Variants in MACROD2 observed in about 807,000 individuals in gnomAD.
MACROD2 encodes the protein ADP-ribose glycohydrolase MACROD2.
In MACROD2, 36 loss-of-function variants were observed where a neutral mutation model predicts 70.4. That is an observed-to-expected ratio of 0.51 (90% CI 0.39 to 0.68). The LOEUF is 0.68. Ranked by LOEUF, MACROD2 falls within the 30% of genes least tolerant of loss-of-function variation. MACROD2 has a pLI of 0.00. For missense variants in MACROD2, 496 were observed against 538.4 expected (o/e 0.92, Z 0.78); for synonymous variants, 172 against 178.8 (o/e 0.96, Z 0.30).
intron 8 of MACROD2, among the ~76,000 whole-genome samples, chr20:15,859,389 A>G (rs1351544563): frequency 1.3e-5 from 2 of 152,114 alleles, no homozygotes; most frequent in African/African-American, 2.4e-5. Flanking sequence ...TGTAGATCCC[A>G]TTTCCCAATG....
chr20:15,322,872 C>T (rs777399333), intron 6 of MACROD2, among the ~76,000 whole-genome samples: 1 of 143,562 alleles, frequency 7.0e-6, no homozygotes, highest in Non-Finnish European at 1.6e-5. Flanking sequence ...ATCCATGAAT[C>T]CATATTTGGA....
intron 5 of MACROD2, among the ~76,000 whole-genome samples, chr20:14,765,437 T>A (rs570606417): frequency 1.3e-4 from 20 of 152,212 alleles, no homozygotes; most frequent in African/African-American, 4.8e-4. Context: ...GACTTTTTGT[T>A]GAAAACGAAG....
chr20:15,488,834 A>T (rs1462279508), intron 7 of MACROD2, among the ~76,000 whole-genome samples: 1 of 152,242 alleles, frequency 6.6e-6, no homozygotes, highest in Non-Finnish European at 1.5e-5. Flanking sequence ...AGGTGATTCT[A>T]TGAGATCTTT....
rs185088185 is a variant in MACROD2 at position 14,417,248 on chromosome 20, A to G, written c.272-76231A>G. On this transcript the variant is annotated intron_variant, in intron 3 of 17. Transcript: ENST00000684519. ...TAGCAAATTGTTTTTGAGGAAATGT[A>G]CTATATTTATTCAATACAAAAAGAT... 3.3e-3 allele frequency among the ~76,000 whole-genome samples: 507 copies of G among 152,322 alleles called. 4 individuals carry two copies. The highest frequency in any genetic ancestry group is 0.017 in the Middle Eastern group (5 of 294).
chr20:15,949,061 G>A (rs1449966012), intron 12 of MACROD2, among the ~76,000 whole-genome samples: 1 of 152,170 alleles, frequency 6.6e-6, no homozygotes, highest in Middle Eastern at 3.2e-3. Flanking sequence ...CTTGGGCCAA[G>A]CCATGAAGTC....
chr20:14,969,023 G>A (rs1473929595), intron 5 of MACROD2, among the ~76,000 whole-genome samples: 1 of 152,006 alleles, frequency 6.6e-6, no homozygotes, highest in Non-Finnish European at 1.5e-5. Context: ...TTTGATAGTA[G>A]GTATTTCATC....
intron 3 of MACROD2, among the ~76,000 whole-genome samples, chr20:14,372,377 G>GT (rs1194633138): frequency 9.9e-6 from 1 of 100,766 alleles, no homozygotes; most frequent in Non-Finnish European, 2.3e-5. Flanking sequence ...TACTAAGACT[G>GT]TTTCAGACCA....
At chr20:15,572,131 AG>A (rs2048384194) in intron 8 of MACROD2, among the ~76,000 whole-genome samples, 1 of 152,148 alleles carries the variant, frequency 6.6e-6, no homozygotes, top group East Asian at 1.9e-4. Flanking sequence ...TCAAAAGGAA[AG>A]GGAGCTTTTC....
At chr20:16,032,351 A>G (rs886320939) in intron 15 of MACROD2, among the ~76,000 whole-genome samples, 1 of 152,100 alleles carries the variant, frequency 6.6e-6, no homozygotes, top group Non-Finnish European at 1.5e-5. Context: ...GCGTCATGCA[A>G]TATTCCCAAG....
At chr20:14,239,665 C>T (rs2081911631) in intron 3 of MACROD2, among the ~76,000 whole-genome samples, 1 of 152,104 alleles carries the variant, frequency 6.6e-6, no homozygotes, top group African/African-American at 2.4e-5. Context: ...CTTCCTTACA[C>T]CATATACAAA....
intron 3 of MACROD2, among the ~76,000 whole-genome samples, chr20:14,272,714 G>A (rs2082207961): frequency 1.3e-5 from 2 of 152,100 alleles, no homozygotes; most frequent in Middle Eastern, 3.4e-3. Context: ...TGGATAAAGA[G>A]TCAAGACCCA....
intron 3 of MACROD2, among the ~76,000 whole-genome samples, chr20:14,478,465 T>C (rs1040411818): frequency 6.6e-6 from 1 of 152,130 alleles, no homozygotes; most frequent in African/African-American, 2.4e-5. Context: ...GCTTTCAAGC[T>C]TTTTTTTCTT....
At chr20:15,677,838 G>T (rs998393919) in intron 8 of MACROD2, among the ~76,000 whole-genome samples, 1 of 152,280 alleles carries the variant, frequency 6.6e-6, no homozygotes, top group East Asian at 1.9e-4. Context: ...GGAGGCCGAG[G>T]CAGGTGGATC....
intron 4 of MACROD2, among the ~76,000 whole-genome samples, chr20:14,680,715 C>G (rs1489065909): frequency 6.6e-6 from 1 of 151,464 alleles, no homozygotes; most frequent in African/African-American, 2.4e-5. Context: ...ACAGACAGAC[C>G]CATAGCTGAC....
intron 10 of MACROD2, among the ~76,000 whole-genome samples, chr20:15,926,965 C>T (rs967051115): frequency 1.2e-4 from 18 of 152,266 alleles, no homozygotes; most frequent in African/African-American, 3.6e-4. Flanking sequence ...CAGCAAAACA[C>T]ATCAGGAAGC....
At chr20:15,033,282 C>A (rs988816219) in intron 5 of MACROD2, among the ~76,000 whole-genome samples, 5 of 152,166 alleles carry the variant, frequency 3.3e-5, no homozygotes, top group African/African-American at 1.2e-4. Context: ...AAACAGGTAT[C>A]TTAAAATGTT....
chr20:15,210,950 C>T (rs201433136), intron 5 of MACROD2, among the ~76,000 whole-genome samples: 4 of 152,262 alleles, frequency 2.6e-5, no homozygotes, highest in East Asian at 1.9e-4. Context: ...TATAGCAGTA[C>T]GAGAATGGAC....
At chr20:15,601,835 T>C (rs1354180575) in intron 8 of MACROD2, among the ~76,000 whole-genome samples, 1 of 152,124 alleles carries the variant, frequency 6.6e-6, no homozygotes, top group Admixed American at 6.6e-5. Context: ...GAGACCATCC[T>C]GGCTAACACA....
chr20:15,627,662 G>A (rs1287663773), intron 8 of MACROD2, among the ~76,000 whole-genome samples: 2 of 152,064 alleles, frequency 1.3e-5, no homozygotes, highest in Admixed American at 6.6e-5. Flanking sequence ...TGGAGTCATG[G>A]GTATCAGACC....
Sources: gnomAD v4.1 joint callset for allele counts (sites outside exome capture counted in the v4.1 genomes callset) on GRCh38, gnomAD v4.1.1 for gene constraint, MANE v1.5 for transcripts, NCBI Gene and HGNC (gene_info 2026-07-23, HGNC 2026-07-21) for gene names.